MVB12B: variants seen among roughly 807,000 people sequenced by gnomAD.
The protein encoded by MVB12B is multivesicular body subunit 12B, also known as ESCRT-I complex subunit MVB12B.
In MVB12B, 16 loss-of-function variants were observed where a neutral mutation model predicts 41.6. The ratio of observed to expected loss-of-function variants is 0.38; its 90% CI spans 0.26 to 0.58. The LOEUF is 0.58. Ranked by LOEUF, MVB12B falls within the 20% of genes least tolerant of loss-of-function variation. The pLI, the probability that MVB12B is intolerant of heterozygous loss-of-function variation, is 0.62. For missense variants in MVB12B, 274 were observed against 380.2 expected (o/e 0.72, Z 2.32); for synonymous variants, 133 against 139.7 (o/e 0.95, Z 0.34).
chr9:126,441,508 C>A (rs1832639419), intron 7 of MVB12B, among the ~76,000 whole-genome samples: 5 of 152,198 alleles, frequency 3.3e-5, no homozygotes, highest in Admixed American at 3.3e-4. Context: ...ATGGATTTAC[C>A]TTTTAACCTT....
intron 1 of MVB12B, among the ~76,000 whole-genome samples, chr9:126,336,750 G>GCACACACACACACA (rs1306839743): frequency 5.9e-5 from 2 of 33,702 alleles, no homozygotes; most frequent in East Asian, 2.4e-3. Flanking sequence ...GTTTGTGTGT[G>GCACACACACACACA]CACGCACACA....
In MVB12B at chr9:126,396,198, C is replaced by G. The variant is rs533389516; in HGVS notation, c.662+501C>G. On this transcript the variant is annotated intron_variant, in intron 6 of 9. Transcript: ENST00000361171. Reference sequence around the variant, plus strand: ...ATAGTGAGGAGTTTTTCAGGAAATGCTAGTTTTAACAATTGTCTCCGCAAA... The same window carrying G: ...ATAGTGAGGAGTTTTTCAGGAAATGGTAGTTTTAACAATTGTCTCCGCAAA... The G allele has an allele frequency of 1.8e-5, 18 of 986,664 alleles. No individual in the cohort carries two copies. In the East Asian group the frequency reaches 1.0e-3, roughly 56 times the overall value. 61.1% of individuals were successfully genotyped at this position (986,664 alleles called of 1,614,324 possible). A position where few individuals can be genotyped will look rare whatever the true frequency, so the allele number is the denominator to read the frequency against.
In MVB12B at chr9:126,396,218, C is replaced by T. The variant is rs566815186; in HGVS notation, c.662+521C>T. 4.9e-4 allele frequency: 487 copies of T among 986,564 alleles called. 1 individual carries two copies. The Middle Eastern group carries it at 7.8e-3, about 16-fold the overall frequency. 61.1% of individuals were successfully genotyped at this position (986,564 alleles called of 1,614,324 possible). On this transcript the variant is annotated intron_variant, in intron 6 of 9. Transcript: ENST00000361171. ...AAATGCTAGTTTTAACAATTGTCTC[C>T]GCAAAGAAACTTGGGTGAGCCAACT... is the stretch of plus-strand genomic sequence containing the variant.
intron 7 of MVB12B, among the ~76,000 whole-genome samples, chr9:126,465,737 C>T (rs1242753270): frequency 6.6e-6 from 1 of 152,104 alleles, no homozygotes; most frequent in Non-Finnish European, 1.5e-5. Context: ...AAGTCTTAGC[C>T]TCTGCACATC....
chr9:126,499,305 C>T (rs1405510016), intron 9 of MVB12B, among the ~76,000 whole-genome samples: 2 of 152,192 alleles, frequency 1.3e-5, no homozygotes, highest in South Asian at 2.1e-4. Flanking sequence ...ACATCTCTTT[C>T]CCGAGAGAGG....
chr9:126,341,499 AAG>A (rs1829443391), intron 2 of MVB12B, among the ~76,000 whole-genome samples: 1 of 152,224 alleles, frequency 6.6e-6, no homozygotes, highest in South Asian at 2.1e-4. Context: ...ATAAGAGTGA[AAG>A]AACACGAATC....
chr9:126,334,838 C>T (rs982037284), intron 1 of MVB12B, among the ~76,000 whole-genome samples: 7 of 152,178 alleles, frequency 4.6e-5, no homozygotes, highest in African/African-American at 1.7e-4. Flanking sequence ...TGGGGCAGGG[C>T]TTTGGCCAGG....
Position 126,474,638 on chromosome 9 carries a change from CAT to C in MVB12B, c.758-6730_758-6729del, listed in dbSNP as rs561234888. 1.3e-4 allele frequency among the ~76,000 whole-genome samples: 20 copies of C among 152,316 alleles called. No individual in the cohort carries two copies. The East Asian group carries it at 2.3e-3, about 18-fold the overall frequency. On this transcript the variant is annotated intron_variant, in intron 7 of 9. Transcript: ENST00000361171. ...CCTTATGCTGTGACCACCATGAAAACATGTGCAGACATTTGATTATGTTCACC... is the reference window on the plus strand; with the variant it reads ...CCTTATGCTGTGACCACCATGAAAACGTGCAGACATTTGATTATGTTCACC...
intron 7 of MVB12B, among the ~76,000 whole-genome samples, chr9:126,424,065 G>T (rs896030380): frequency 6.6e-6 from 1 of 152,200 alleles, no homozygotes; most frequent in Non-Finnish European, 1.5e-5. Flanking sequence ...AGCCTTTGGT[G>T]CAGACTCCTG....
At chr9:126,492,477 C>A (rs980019251) in intron 9 of MVB12B, among the ~76,000 whole-genome samples, 5 of 152,010 alleles carry the variant, frequency 3.3e-5, no homozygotes, top group Non-Finnish European at 7.4e-5. Context: ...CTGAGGGGAC[C>A]TTTCCTCACA....
In MVB12B at chr9:126,503,314, G is replaced by C. The variant is rs1221863738; in HGVS notation, c.*51G>C. ...ACCACCGCCGCCCAGACTACTGACG[G>C]CAGGGGCTGCTGCCCCCGCCTCCTC... is the stretch of plus-strand genomic sequence containing the variant. On this transcript the variant is annotated 3_prime_UTR_variant, in exon 10 of 10. Coordinates refer to ENST00000361171, the MANE Select transcript of MVB12B (RefSeq NM_033446.3). The C allele has an allele frequency of 5.5e-6, 8 of 1,453,158 alleles. No individual in the cohort carries two copies. The highest frequency in any genetic ancestry group is 7.5e-6 in the Non-Finnish European group (8 of 1,062,898). 90.0% of individuals were successfully genotyped at this position (1,453,158 alleles called of 1,614,324 possible). A position where few individuals can be genotyped will look rare whatever the true frequency, so the allele number is the denominator to read the frequency against.
intron 7 of MVB12B, among the ~76,000 whole-genome samples, chr9:126,431,709 G>A (rs1202353711): frequency 2.0e-5 from 3 of 152,130 alleles, no homozygotes; most frequent in African/African-American, 7.2e-5. Context: ...TGTGGTCCAG[G>A]CAGCCGAGGG....
chr9:126,327,444 C>T (rs1269597192), intron 1 of MVB12B: 1 of 489,300 alleles, frequency 2.0e-6, no homozygotes, highest in African/African-American at 2.1e-5. Flanking sequence ...GCACCTGCCC[C>T]AGGAGCATCA....
In MVB12B at chr9:126,395,995, G is replaced by A. The variant is rs185845726; in HGVS notation, c.662+298G>A. 4.2e-5 allele frequency: 50 copies of A among 1,187,784 alleles called. No homozygotes were observed. The highest frequency in any genetic ancestry group is 1.1e-4 in the South Asian group (5 of 44,784). The allele number at this position is 1,187,784 out of a possible 1,614,324, so 73.6% of individuals were successfully genotyped here. On this transcript the variant is annotated intron_variant, in intron 6 of 9. Transcript: ENST00000361171. This position sits in a 1 kb window ranked among gnomAD's most constrained non-coding sequence, Gnocchi z 4.9. ...AGAGCTGCTAGCTACACACAGACAC[G>A]TGCTGTATAGCCATGGGGTTGGGAT... is the stretch of plus-strand genomic sequence containing the variant.
chr9:126,386,484 C>T lies in MVB12B; in HGVS notation c.313-78C>T. 1.1e-6 allele frequency: 1 copy of T among 942,864 alleles called. No individual in the cohort carries two copies. Among genetic ancestry groups the T allele is most frequent in the South Asian group, 1.4e-5 (1 of 73,028 alleles). The allele number at this position is 942,864 out of a possible 1,614,324, so 58.4% of individuals were successfully genotyped here. ...TGCACGAGTCATTGTGTTAAATATG[C>T]ATCTGGAAGCCAAAATGGCAAACCC... On this transcript the variant is annotated intron_variant, in intron 3 of 9. Transcript: ENST00000361171. This position sits in a 1 kb window ranked among gnomAD's most constrained non-coding sequence, Gnocchi z 4.3.
rs975807092 is a variant in MVB12B, at chr9:126,504,410, T to G, written c.*1147T>G. 4 of 152,326 alleles carry G rather than the reference T, an allele frequency of 2.6e-5. No individual in the cohort carries two copies. The highest frequency in any genetic ancestry group is 4.4e-5 in the Non-Finnish European group (3 of 68,086). The allele number at this position is 152,326 out of a possible 1,614,324, so 9.4% of individuals were successfully genotyped here. A position where few individuals can be genotyped will look rare whatever the true frequency, so the allele number is the denominator to read the frequency against. On this transcript the variant is annotated 3_prime_UTR_variant, in exon 10 of 10. Transcript: ENST00000361171. ...AGGCACTGGGCTGTGTCCTGATTCC[T>G]CAGAGTATGGGGACCTGACATCTTT...
chr9:126,392,256 C>T lies in MVB12B; in HGVS notation c.539+61C>T, dbSNP rs1468882095. On this transcript the variant is annotated intron_variant, in intron 5 of 9. Coordinates refer to ENST00000361171, the MANE Select transcript of MVB12B (RefSeq NM_033446.3). This position sits in a 1 kb window ranked among gnomAD's most constrained non-coding sequence, Gnocchi z 4.8. Reference sequence around the variant, plus strand: ...TTCCCTGAGAGCACTCAGGCCACTCCAGGCAATGAGGTCCAAGAGATTTCC... The same window carrying T: ...TTCCCTGAGAGCACTCAGGCCACTCTAGGCAATGAGGTCCAAGAGATTTCC... The T allele has an allele frequency of 6.3e-7, 1 of 1,593,778 alleles. No homozygotes were observed. The highest frequency in any genetic ancestry group is 1.3e-5 in the African/African-American group (1 of 74,458).
chr9:126,375,363 CTT>C (rs35585049), intron 2 of MVB12B, among the ~76,000 whole-genome samples: 283 of 105,200 alleles, frequency 2.7e-3, no homozygotes, highest in East Asian at 0.016. Flanking sequence ...TAAATTGATT[CTT>C]TTTTTTTTTT....
At chr9:126,456,931 C>A (rs934760747) in intron 7 of MVB12B, among the ~76,000 whole-genome samples, 1 of 152,120 alleles carries the variant, frequency 6.6e-6, no homozygotes, top group Non-Finnish European at 1.5e-5. Flanking sequence ...ACGTATGGGC[C>A]CCGGCTTCGT....
Sources: allele counts gnomAD v4.1 joint callset (sites outside exome capture counted in the v4.1 genomes callset), GRCh38; gene constraint gnomAD v4.1.1; non-coding constraint Gnocchi (gnomAD v3.1); transcripts MANE v1.5; gene names NCBI Gene and HGNC (gene_info 2026-07-23, HGNC 2026-07-21).